Variants in UBR4 observed in about 807,000 individuals in gnomAD.
UBR4 encodes E3 ubiquitin-protein ligase UBR4.
A neutral mutation model predicts 575.6 loss-of-function variants in UBR4; 124 were observed. The observed-to-expected ratio is 0.22, with a 90% CI of 0.19 to 0.25. The LOEUF (loss-of-function observed/expected upper bound fraction) is 0.25. Among genes scored for constraint, UBR4 ranks in the 10% least tolerant of loss-of-function variants. The pLI is 1.00. For missense variants in UBR4, 4,818 were observed against 6,478.8 expected, an observed-to-expected ratio of 0.74 and a Z score of 8.80; for synonymous variants, 2,455 against 2,473.7, an observed-to-expected ratio of 0.99 and a Z score of 0.22.
rs190458864 is a variant in UBR4, at chr1:19,156,154, G to A, written c.6072+117C>T. The A allele has an allele frequency of 5.3e-5, 74 of 1,393,884 alleles. No individual in the cohort carries two copies. The Admixed American group carries it at 1.3e-3, about 25-fold the overall frequency. The allele number at this position is 1,393,884 out of a possible 1,614,324, so 86.3% of individuals were successfully genotyped here. ...CTTCCAAGTAGCTGGTACTACAGGTGAAAGTCATGGCACCCAGCTGATTTT... is the reference window on the plus strand; with the variant it reads ...CTTCCAAGTAGCTGGTACTACAGGTAAAAGTCATGGCACCCAGCTGATTTT... On this transcript the variant is annotated intron_variant, in intron 42 of 105. Coordinates refer to ENST00000375254, the MANE Select transcript of UBR4 (RefSeq NM_020765.3).
In UBR4 at chr1:19,160,258, G is replaced by T; in HGVS notation, c.5430C>A (p.Leu1810=). ...TAAGGAAATTAAGCATGTCTAACAC[G>T]AGAGGAGCGAAGGAGAAATTGGCCT... ...QNQANFSFAP[L]VLDMLNFLMD... is the part of the protein sequence containing the mutation. Residue 1810 remains leucine, a synonymous_variant, in exon 39 of 106, where the codon CTC becomes CTA. Coordinates refer to ENST00000375254, the MANE Select transcript of UBR4 (RefSeq NM_020765.3). 6.2e-7 allele frequency: 1 copy of T among 1,610,992 alleles called. No individual in the cohort carries two copies. The highest frequency in any genetic ancestry group is 1.7e-4 in the Middle Eastern group (1 of 6,056).
intron 3 of UBR4, among the ~76,000 whole-genome samples, 163 bp downstream of exon 3, chr1:19,199,488 A>G (rs1205925152): frequency 6.6e-6 from 1 of 152,230 alleles, no homozygotes; most frequent in Non-Finnish European, 1.5e-5. Context: ...CTGCTTTCAC[A>G]CTAAAAAGGC....
intron 99 of UBR4, among the ~76,000 whole-genome samples, chr1:19,087,535 T>C (rs796092079): frequency 2.0e-5 from 3 of 152,326 alleles, no homozygotes; most frequent in African/African-American, 7.2e-5. Context: ...TTAAATAAAA[T>C]TATCCAGTTT....
intron 81 of UBR4, among the ~76,000 whole-genome samples, chr1:19,109,401 T>C (rs534305965): frequency 3.3e-5 from 5 of 152,386 alleles, no homozygotes; most frequent in South Asian, 2.1e-4. Context: ...TCCTATATAC[T>C]AGACATAAAA....
intron 60 of UBR4, among the ~76,000 whole-genome samples, chr1:19,129,637 C>T (rs1420495684): frequency 6.6e-6 from 1 of 152,244 alleles, no homozygotes; most frequent in African/African-American, 2.4e-5. Flanking sequence ...CACTGTCCTA[C>T]TGGACCCATG....
chr1:19,123,050 A>T lies in UBR4; in HGVS notation c.9599T>A (p.Ile3200Asn). 1 of 1,614,164 alleles carries T rather than the reference A, an allele frequency of 6.2e-7. No homozygotes were observed. Among genetic ancestry groups the T allele is most frequent in the Non-Finnish European group, 8.5e-7 (1 of 1,180,012 alleles). ...WFYFLSEYLM[I>N]QQTPFVRRQV... ...ACGGCGCACAAATGGAGTCTGCTGG[A>T]TCATGAGGTACTTGAGAAGAAAAAC... Residue 3200 changes from isoleucine to asparagine, a missense_variant, in exon 66 of 106, where the codon ATC (isoleucine) becomes AAC (asparagine). By Grantham distance (149) the Ile-to-Asn change is moderately radical. Around this residue, in one of 29 missense-constraint regions of UBR4, gnomAD observed 550 missense variants for 791.5 expected, o/e 0.69. Transcript: ENST00000375254.
Position 19,101,256 on chromosome 1 carries a change from G to A in UBR4, c.13023+264C>T, listed in dbSNP as rs111578281. Among the ~76,000 whole-genome samples, 660 of 152,322 alleles carry A rather than the reference G, an allele frequency of 4.3e-3. 5 individuals are homozygous for A. The highest frequency in any genetic ancestry group is 0.017 in the Middle Eastern group (5 of 294). ...TATGCAATGGGATTTTGGTAATGGA[G>A]GTTAGACCTAGTTTTTAAAAAAACA... On this transcript the variant is annotated intron_variant, in intron 88 of 105. Transcript: ENST00000375254.
Position 19,074,814 on chromosome 1 carries a change from G to C in UBR4, c.*18C>G, listed in dbSNP as rs561434095. On this transcript the variant is annotated 3_prime_UTR_variant, in exon 106 of 106. Coordinates refer to ENST00000375254, the MANE Select transcript of UBR4 (RefSeq NM_020765.3). ...GCAAGCCAGCTTCGTCTTCGCCGCC[G>C]CAGCTGCTGTGTGGTGGTCAGGGGA... The C allele has an allele frequency of 1.9e-6, 3 of 1,613,718 alleles. No individual in the cohort carries two copies. Among genetic ancestry groups the C allele is most frequent in the Middle Eastern group, 1.6e-4 (1 of 6,062 alleles).
Position 19,160,950 on chromosome 1 carries a change from T to C in UBR4, c.5373A>G (p.Thr1791=), listed in dbSNP as rs749858332. The stretch of plus-strand genomic sequence containing the variant: ...GTAATTCCTCCCGGCAGCCCTCTAC[T>C]GTGCGGCAGAGGCTGCTCTTCTTGG... ...EKPKKSSLCR[T]VEGCREELQN... Residue 1791 remains threonine (T), a synonymous_variant, in exon 38 of 106, where the codon ACA becomes ACG. Transcript: ENST00000375254. 5.0e-6 allele frequency: 8 copies of C among 1,614,064 alleles called. No homozygotes were observed. In the African/African-American group the frequency reaches 6.7e-5, roughly 13 times the overall value.
chr1:19,112,435 C>T lies in UBR4; in HGVS notation c.11801+89G>A, dbSNP rs1199708284. 6 of 1,428,474 alleles carry T rather than the reference C, an allele frequency of 4.2e-6. No homozygotes were observed. In the Admixed American group the frequency reaches 1.3e-4, roughly 32 times the overall value. The allele number at this position is 1,428,474 out of a possible 1,614,324, so 88.5% of individuals were successfully genotyped here. A position where few individuals can be genotyped will look rare whatever the true frequency, so the allele number is the denominator to read the frequency against. On this transcript the variant is annotated intron_variant, in intron 78 of 105. Transcript: ENST00000375254. ...ACCTAACTTGCTGGGTGGTCAGAAG[C>T]ACTATTCTGTGCACTCTCTAACGCT... is the stretch of plus-strand genomic sequence containing the variant.
In UBR4 at chr1:19,156,758, G is replaced by T. The variant is rs1156686073; in HGVS notation, c.5919+9C>A. The T allele has an allele frequency of 1.9e-6, 3 of 1,611,852 alleles. No homozygotes were observed. Among genetic ancestry groups the T allele is most frequent in the Non-Finnish European group, 2.5e-6 (3 of 1,178,260 alleles). ...CTCAAGGCAATCAAACCTAGATCCG[G>T]ATTTTTACCTTTAGCCCACAAACCG... On this transcript the variant is annotated intron_variant, in intron 41 of 105. Transcript: ENST00000375254.
intron 29 of UBR4, 36 bp downstream of exon 29, chr1:19,166,986 G>C: frequency 6.2e-7 from 1 of 1,608,806 alleles, no homozygotes; most frequent in Non-Finnish European, 8.5e-7. Context: ...GCAGCAGTAG[G>C]TCATAGGAAA....
In UBR4 at chr1:19,200,471, C is replaced by T. The variant is rs577647197; in HGVS notation, c.275-717G>A. Among the ~76,000 whole-genome samples, 6 of 151,984 alleles carry T rather than the reference C, an allele frequency of 3.9e-5. No homozygotes were observed. The South Asian group carries it at 1.2e-3, about 32-fold the overall frequency. On this transcript the variant is annotated intron_variant, in intron 2 of 105. Coordinates refer to ENST00000375254, the MANE Select transcript of UBR4 (RefSeq NM_020765.3). ...GGCATAGTGGCTCACACCTATAATC[C>T]CAGCACTTCGGGAGGCTGAGGTGGG...
chr1:19,168,182 G>C lies in UBR4; in HGVS notation c.3744C>G (p.Arg1248=), dbSNP rs149998484. ...GGATGGTGTCATTGGCAAAGGCATT[G>C]CGCTGAAAGGAAGCAAAGCAGATGT... ...TNEFPNIGSW[R]NAFANDTIPS... is the part of the protein sequence containing the mutation. Residue 1248 remains arginine (R), a splice_region_variant and synonymous_variant, in exon 28 of 106, where the codon CGC becomes CGG. Coordinates refer to ENST00000375254, the MANE Select transcript of UBR4 (RefSeq NM_020765.3). The C allele has an allele frequency of 6.4e-7, 1 of 1,574,588 alleles. No individual in the cohort carries two copies.
At chr1:19,190,534 T>C (rs2091989154) in intron 11 of UBR4, among the ~76,000 whole-genome samples, 1 of 151,830 alleles carries the variant, frequency 6.6e-6, no homozygotes, top group Admixed American at 6.6e-5. Flanking sequence ...GGTCTGACAG[T>C]CATCTTACAC....
rs2077678402 is a variant in UBR4 at position 19,093,024 on chromosome 1, G to A, written c.14112-106C>T. On this transcript the variant is annotated intron_variant, in intron 96 of 105. Coordinates refer to ENST00000375254, the MANE Select transcript of UBR4 (RefSeq NM_020765.3). This position sits in a 1 kb window ranked among gnomAD's most constrained non-coding sequence, Gnocchi z 4.8. ...AAACCCCCAGGGCATGATTAACCGT[G>A]ACCCTCTCCGAGTGTCATAAAGAAT... The A allele has an allele frequency of 9.7e-7, 1 of 1,033,856 alleles. No individual in the cohort carries two copies. Among genetic ancestry groups the A allele is most frequent in the African/African-American group, 1.6e-5 (1 of 62,772 alleles). The allele number at this position is 1,033,856 out of a possible 1,614,324, so 64.0% of individuals were successfully genotyped here.
rs373392521 is a variant in UBR4, at chr1:19,113,934, C to T, written c.11328+11G>A. 1.4e-4 allele frequency: 223 copies of T among 1,614,072 alleles called. No individual in the cohort carries two copies. The highest frequency in any genetic ancestry group is 1.9e-4 in the Non-Finnish European group (221 of 1,180,044). On this transcript the variant is annotated intron_variant, in intron 76 of 105. Transcript: ENST00000375254. ...GCCCTTATCCAAATGCCCTTTGCAG[C>T]GTGGGACTACCTGTGGCTTTTCTGG...
intron 8 of UBR4, among the ~76,000 whole-genome samples, chr1:19,194,613 C>A (rs2092335844): frequency 6.6e-6 from 1 of 151,954 alleles, no homozygotes; most frequent in Non-Finnish European, 1.5e-5. Flanking sequence ...ACCAGCCTCG[C>A]CAACATGGTG....
At chr1:19,128,144 G>A (rs938228309) in intron 62 of UBR4, 67 bp downstream of exon 62, 15 of 1,471,372 alleles carry the variant, frequency 1.0e-5, no homozygotes, top group African/African-American at 9.7e-5. Context: ...TCTATGAAAC[G>A]AATGGGAACC....
Sources: allele counts gnomAD v4.1 joint callset (sites outside exome capture counted in the v4.1 genomes callset), GRCh38; gene constraint gnomAD v4.1.1; regional missense constraint gnomAD v4.1.1; non-coding constraint Gnocchi (gnomAD v3.1); transcripts MANE v1.5; gene names NCBI Gene and HGNC (gene_info 2026-07-23, HGNC 2026-07-21).